Variants in WWOX observed in about 807,000 individuals in gnomAD.
The protein encoded by WWOX is WW domain-containing oxidoreductase.
Under a neutral mutation model 46.2 loss-of-function variants are expected in WWOX, and 69 were observed. That is an observed-to-expected ratio of 1.49 (90% CI 1.23 to 1.82). The LOEUF (loss-of-function observed/expected upper bound fraction) is 1.82. Among genes scored for constraint, WWOX ranks in the 40% most tolerant of loss-of-function variants. WWOX has a pLI of 0.00. For missense variants in WWOX, 919 were observed against 542.6 expected, an observed-to-expected ratio of 1.69 and a Z score of -6.89; for synonymous variants, 359 against 202.6, an observed-to-expected ratio of 1.77 and a Z score of -6.56.
At chr16:78,222,387 A>C (rs2036917535) in intron 5 of WWOX, among the ~76,000 whole-genome samples, 1 of 151,962 alleles carries the variant, frequency 6.6e-6, no homozygotes. Context: ...CTGAGTGGCA[A>C]CAGAACTTGG....
intron 8 of WWOX, among the ~76,000 whole-genome samples, chr16:79,193,684 C>T (rs1279899109): frequency 1.3e-5 from 2 of 152,168 alleles, no homozygotes; most frequent in Non-Finnish European, 1.5e-5. Context: ...GCAAAGACCC[C>T]AGGTGAGATC....
chr16:79,005,934 C>T (rs1005048295), intron 8 of WWOX, among the ~76,000 whole-genome samples: 6 of 152,132 alleles, frequency 3.9e-5, no homozygotes, highest in Admixed American at 1.3e-4. Flanking sequence ...TGGGAGAAAC[C>T]CATCCATACT....
chr16:78,852,291 C>T (rs2052463076), intron 8 of WWOX, among the ~76,000 whole-genome samples: 1 of 152,140 alleles, frequency 6.6e-6, no homozygotes, highest in Non-Finnish European at 1.5e-5. Context: ...TCCTGTGTAA[C>T]CTACAGGGGG....
chr16:78,832,523 A>G (rs1027952119), intron 8 of WWOX, among the ~76,000 whole-genome samples: 3 of 152,148 alleles, frequency 2.0e-5, no homozygotes, highest in South Asian at 4.1e-4. Flanking sequence ...TAAGACCACC[A>G]CACTCTGCCA....
intron 8 of WWOX, among the ~76,000 whole-genome samples, chr16:78,701,448 A>G (rs905561854): frequency 6.6e-6 from 1 of 152,012 alleles, no homozygotes; most frequent in Non-Finnish European, 1.5e-5. Context: ...CGATGGCCAC[A>G]TAGGTGGCAG....
At chr16:78,941,802 C>T (rs1597182328) in intron 8 of WWOX, among the ~76,000 whole-genome samples, 2 of 152,298 alleles carry the variant, frequency 1.3e-5, no homozygotes, top group South Asian at 2.1e-4. Flanking sequence ...AGAAGTACTT[C>T]ATGTAAGTCA....
intron 4 of WWOX, among the ~76,000 whole-genome samples, chr16:78,118,126 A>G (rs2032902120): frequency 6.6e-6 from 1 of 151,504 alleles, no homozygotes; most frequent in Non-Finnish European, 1.5e-5. Flanking sequence ...AGAAGGGGAC[A>G]TCCCTCCCTT....
At chr16:78,816,857 C>A (rs1413612794) in intron 8 of WWOX, among the ~76,000 whole-genome samples, 1 of 151,930 alleles carries the variant, frequency 6.6e-6, no homozygotes, top group African/African-American at 2.4e-5. Flanking sequence ...ATTTCAGTTT[C>A]CAAAATTTTT....
At chr16:78,191,923 A>C (rs2035895082) in intron 5 of WWOX, among the ~76,000 whole-genome samples, 1 of 152,222 alleles carries the variant, frequency 6.6e-6, no homozygotes, top group East Asian at 1.9e-4. Context: ...ATTACATTGA[A>C]AGTATGACAC....
chr16:78,676,525 C>G (rs1166841068), intron 8 of WWOX, among the ~76,000 whole-genome samples: 1 of 151,950 alleles, frequency 6.6e-6, no homozygotes, highest in Non-Finnish European at 1.5e-5. Context: ...GCACATTGTT[C>G]CAACTCAAAG....
intron 5 of WWOX, among the ~76,000 whole-genome samples, chr16:78,347,400 G>T (rs28592611): frequency 0.43 from 50,566 of 116,326 alleles, 18,862 homozygotes; most frequent in African/African-American, 0.57. Context: ...GTTGGTCCCA[G>T]GTTATTCGCA....
intron 5 of WWOX, among the ~76,000 whole-genome samples, chr16:78,296,235 A>G (rs867489769): frequency 2.6e-5 from 4 of 151,254 alleles, no homozygotes; most frequent in Middle Eastern, 3.4e-3. Context: ...GGTGCTTTCT[A>G]TATAAATTTA....
chr16:79,056,078 A>T (rs2048256319), intron 8 of WWOX, among the ~76,000 whole-genome samples: 1 of 147,690 alleles, frequency 6.8e-6, no homozygotes, highest in Admixed American at 6.6e-5. Flanking sequence ...AGCACAGCTC[A>T]GCTTGTAAAA....
rs189820232 is a variant in WWOX, at chr16:78,802,824, G to T, written c.1056+370072G>T. 8.9e-5 allele frequency among the ~76,000 whole-genome samples: 13 copies of T among 146,154 alleles called. No individual in the cohort carries two copies. In the East Asian group the frequency reaches 2.8e-3, roughly 32 times the overall value. On this transcript the variant is annotated intron_variant, in intron 8 of 8. Coordinates refer to ENST00000566780, the MANE Select transcript of WWOX (RefSeq NM_016373.4). Reference sequence around the variant, plus strand: ...CCAGCTACATGGGAGGCTGAAGCAGGAGAATTGCTTGAACCCAGGAGGGAC... The same window carrying T: ...CCAGCTACATGGGAGGCTGAAGCAGTAGAATTGCTTGAACCCAGGAGGGAC...
chr16:79,176,011 C>G (rs184860171), intron 8 of WWOX, among the ~76,000 whole-genome samples: 6 of 152,316 alleles, frequency 3.9e-5, no homozygotes, highest in Non-Finnish European at 7.3e-5. Context: ...GTTACCTGCT[C>G]TATGAAACTG....
At chr16:78,781,359 C>T (rs568344240) in intron 8 of WWOX, among the ~76,000 whole-genome samples, 1 of 152,220 alleles carries the variant, frequency 6.6e-6, no homozygotes, top group Admixed American at 6.5e-5. Flanking sequence ...AAATCTGCAC[C>T]CCACCTTGCT....
chr16:78,950,541 C>CAA (rs956628905), intron 8 of WWOX, among the ~76,000 whole-genome samples: 3 of 134,998 alleles, frequency 2.2e-5, no homozygotes, highest in African/African-American at 7.5e-5. Flanking sequence ...CATACACACA[C>CAA]ACACACACAC....
intron 8 of WWOX, among the ~76,000 whole-genome samples, chr16:78,592,319 G>A (rs990477810): frequency 1.8e-4 from 27 of 152,148 alleles, no homozygotes; most frequent in African/African-American, 6.5e-4. Context: ...ATTTTGGCAA[G>A]GCTAGCATGA....
intron 5 of WWOX, among the ~76,000 whole-genome samples, chr16:78,166,320 C>G (rs547455187): frequency 9.2e-5 from 14 of 152,176 alleles, no homozygotes; most frequent in African/African-American, 2.9e-4. Flanking sequence ...CATTGTTTTG[C>G]TATTTGTTAT....
Sources: allele counts gnomAD v4.1 joint callset (sites outside exome capture counted in the v4.1 genomes callset), GRCh38; gene constraint gnomAD v4.1.1; transcripts MANE v1.5; gene names NCBI Gene and HGNC (gene_info 2026-07-23, HGNC 2026-07-21).